The following CCDC194 variants were observed in gnomAD, a reference collection of about 807,000 sequenced individuals.
CCDC194 encodes the protein coiled-coil domain containing 194, also known as coiled-coil domain-containing protein 194.
A neutral mutation model predicts 4.9 loss-of-function variants in CCDC194; 8 were observed. That is an observed-to-expected ratio of 1.65 (90% CI 0.97 to 2.97). The LOEUF is 2.97. Among genes scored for constraint, CCDC194 ranks in the 30% most tolerant of loss-of-function variants. CCDC194 has a pLI of 0.00. For synonymous variants in CCDC194, 13 were observed against 17.0 expected, an observed-to-expected ratio of 0.76 and a Z score of 0.58; for missense variants, 52 against 43.1, an observed-to-expected ratio of 1.21 and a Z score of -0.58.
At chr19:17,388,415 T>C (rs2074643386), downstream of CCDC194, among the ~76,000 whole-genome samples, 1 of 151,692 alleles carries the variant, frequency 6.6e-6, no homozygotes, top group Non-Finnish European at 1.5e-5. Context: ...TTTCTTTCTT[T>C]CTCTTCTTTC....
rs1446129323 is a variant in CCDC194, at chr19:17,391,850, AGGAGT to A, written c.325-9_325-5del. 9.9e-6 allele frequency: 15 copies of A among 1,515,008 alleles called. No homozygotes were observed. The East Asian group carries it at 3.7e-4, about 37-fold the overall frequency. The allele number at this position is 1,515,008 out of a possible 1,614,324, so 93.8% of individuals were successfully genotyped here. A position where few individuals can be genotyped will look rare whatever the true frequency, so the allele number is the denominator to read the frequency against. On this transcript the variant is annotated splice_polypyrimidine_tract_variant and splice_region_variant and intron_variant, in intron 1 of 3. Coordinates refer to ENST00000636079, the Ensembl canonical transcript of CCDC194. ...TTAGTTGGGTCTGAAGCCGGCTCTGAGGAGTGGAGGGGAAGTGGGAGGGGGTGTAG... is the reference window on the plus strand; with the variant it reads ...TTAGTTGGGTCTGAAGCCGGCTCTGAGGAGGGGAAGTGGGAGGGGGTGTAG...
downstream of CCDC194, among the ~76,000 whole-genome samples, chr19:17,387,649 C>T (rs1043709247): frequency 2.6e-5 from 4 of 151,798 alleles, no homozygotes; most frequent in African/African-American, 7.3e-5. Flanking sequence ...ACCCGAGAGG[C>T]GGAGGTTGCA....
chr19:17,392,134 A>G (rs575510831), intron 1 of CCDC194: 2 of 282,808 alleles, frequency 7.1e-6, no homozygotes, highest in East Asian at 6.4e-5. Flanking sequence ...GTCAGATTCA[A>G]GTTCCACTTT....
downstream of CCDC194, among the ~76,000 whole-genome samples, chr19:17,388,121 C>T (rs377764274): frequency 4.7e-3 from 716 of 151,176 alleles, 10 homozygotes; most frequent in African/African-American, 0.017. Flanking sequence ...CTCCTGACCT[C>T]GTGATCCGCC....
At chr19:17,390,077 C>G (rs557396509), downstream of CCDC194, among the ~76,000 whole-genome samples, 6 of 152,304 alleles carry the variant, frequency 3.9e-5, no homozygotes, top group East Asian at 1.2e-3. The surrounding 1 kb of genome is among the most constrained non-coding windows in gnomAD (Gnocchi z 5.5). Context: ...ATTGTGCCAC[C>G]TTTGTCAGCT....
At chr19:17,391,810 C>G in exon 2 of CCDC194, 1 of 1,535,416 alleles carries the variant, frequency 6.5e-7, no homozygotes, top group Non-Finnish European at 8.7e-7. Flanking sequence ...TCGTCCATCT[C>G]AATCTTCAGT....
chr19:17,391,724 G>GC (rs1283848650), intron 2 of CCDC194, 26 bp downstream of exon 2: 1 of 1,535,632 alleles, frequency 6.5e-7, no homozygotes. Flanking sequence ...TTCTATCCCT[G>GC]CCCACTCCCT....
chr19:17,392,879 A>C (rs913079700), intron 1 of CCDC194, among the ~76,000 whole-genome samples: 1 of 152,154 alleles, frequency 6.6e-6, no homozygotes, highest in Non-Finnish European at 1.5e-5. Context: ...ACGGGTTTTC[A>C]CCACATTGGC....
chr19:17,392,964 G>A (rs1428362420), intron 1 of CCDC194, among the ~76,000 whole-genome samples: 1 of 152,182 alleles, frequency 6.6e-6, no homozygotes. Flanking sequence ...TTACAGGCGT[G>A]AGCCACTGCG....
intron 2 of CCDC194, 67 bp from the exon 3 acceptor site, chr19:17,391,410 T>C: frequency 4.7e-6 from 2 of 425,012 alleles, no homozygotes; most frequent in Non-Finnish European, 8.3e-6. Flanking sequence ...CACGCCGGAA[T>C]CCAAGTTGAT....
At chr19:17,387,411 A>G (rs1568380997), downstream of CCDC194, among the ~76,000 whole-genome samples, 1 of 150,998 alleles carries the variant, frequency 6.6e-6, no homozygotes, top group Non-Finnish European at 1.5e-5. Context: ...CAAGCCCTAC[A>G]CACACACACA....
At chr19:17,390,457 C>A, downstream of CCDC194, 1 of 391,290 alleles carries the variant, frequency 2.6e-6, no homozygotes. This position sits in a 1 kb window ranked among gnomAD's most constrained non-coding sequence, Gnocchi z 5.5. Flanking sequence ...CCGCAGACCC[C>A]CCCCCCATAT....
At chr19:17,389,153 G>A (rs924742487), downstream of CCDC194, among the ~76,000 whole-genome samples, 1 of 152,196 alleles carries the variant, frequency 6.6e-6, no homozygotes, top group Non-Finnish European at 1.5e-5. Context: ...TTTGAGTTTG[G>A]AGGAGTCAAA....
At chr19:17,391,182 C>T in intron 3 of CCDC194, 29 bp downstream of exon 3, 1 of 397,370 alleles carries the variant, frequency 2.5e-6, no homozygotes, top group Non-Finnish European at 4.4e-6. Context: ...GTCCATCCGA[C>T]CCCGCCCTCG....
In CCDC194 at chr19:17,391,634, G is replaced by C; in HGVS notation, c.421+116C>G. 2.0e-6 allele frequency: 3 copies of C among 1,527,390 alleles called. No individual in the cohort carries two copies. The African/African-American group carries it at 4.1e-5, about 21-fold the overall frequency. The allele number at this position is 1,527,390 out of a possible 1,614,324, so 94.6% of individuals were successfully genotyped here. ...GTTTGCATTCTTTTCATAAGTTTTT[G>C]CGTTTATATCCGTGTTATTTGCATT... On this transcript the variant is annotated intron_variant, in intron 2 of 3. Transcript: ENST00000636079.
chr19:17,389,723 T>C (rs1473048309), downstream of CCDC194, among the ~76,000 whole-genome samples: 1 of 152,210 alleles, frequency 6.6e-6, no homozygotes, highest in African/African-American at 2.4e-5. Context: ...CCCAGCACTT[T>C]GGGAGGCCGG....
intron 1 of CCDC194, among the ~76,000 whole-genome samples, chr19:17,393,376 C>CTTTTTTT (rs551933814): frequency 1.7e-5 from 2 of 115,424 alleles, no homozygotes; most frequent in Non-Finnish European, 3.3e-5. Context: ...GACAGTGAGA[C>CTTTTTTT]TTTTTTTTTT....
chr19:17,388,961 C>A (rs569572952), downstream of CCDC194, among the ~76,000 whole-genome samples: 7 of 152,272 alleles, frequency 4.6e-5, no homozygotes, highest in African/African-American at 1.4e-4. Flanking sequence ...GCCTCAGCCT[C>A]CCAAGTAGCT....
chr19:17,391,691 G>T, intron 2 of CCDC194, 59 bp downstream of exon 2: 1 of 1,535,470 alleles, frequency 6.5e-7, no homozygotes, highest in African/African-American at 1.4e-5. Context: ...TGGATAACTA[G>T]GATTCACCTA....
Sources: allele counts gnomAD v4.1 joint callset (sites outside exome capture counted in the v4.1 genomes callset), GRCh38; gene constraint gnomAD v4.1.1; non-coding constraint Gnocchi (gnomAD v3.1); transcripts MANE v1.5; gene names NCBI Gene and HGNC (gene_info 2026-07-23, HGNC 2026-07-21).